Variants in SOX6 observed in about 807,000 individuals in gnomAD.
SOX6 encodes transcription factor SOX-6.
Under a neutral mutation model 97.8 loss-of-function variants are expected in SOX6, and 11 were observed. That is an observed-to-expected ratio of 0.11 (90% CI 0.07 to 0.19). SOX6 has a LOEUF of 0.19. Ranked by LOEUF, SOX6 falls within the 10% of genes least tolerant of loss-of-function variation. SOX6 has a pLI of 1.00. For missense variants in SOX6, 810 were observed against 1,039.5 expected, an observed-to-expected ratio of 0.78 and a Z score of 3.04; for synonymous variants, 360 against 371.4, an observed-to-expected ratio of 0.97 and a Z score of 0.35.
chr11:16,177,274 C>T (rs79777160), intron 6 of SOX6, among the ~76,000 whole-genome samples: 110 of 151,942 alleles, frequency 7.2e-4, no homozygotes, highest in African/African-American at 2.5e-3. Context: ...ATGACGTTTT[C>T]GAGTTTAACA....
At chr11:16,359,782 T>C (rs1272211603), upstream of SOX6, among the ~76,000 whole-genome samples, 1 of 152,180 alleles carries the variant, frequency 6.6e-6, no homozygotes, top group Non-Finnish European at 1.5e-5. Flanking sequence ...GAAGTTATAC[T>C]AATAAAAATA....
intron 3 of SOX6, among the ~76,000 whole-genome samples, chr11:16,257,523 G>GCTCTT (rs1853730131): frequency 6.6e-6 from 1 of 151,858 alleles, no homozygotes; most frequent in Admixed American, 6.6e-5. Context: ...GAGGAGTCTA[G>GCTCTT]ACATATATCT....
chr11:16,424,237 G>A (rs906178778), intron 1 of SOX6, among the ~76,000 whole-genome samples: 3 of 152,312 alleles, frequency 2.0e-5, no homozygotes, highest in South Asian at 2.1e-4. Flanking sequence ...TACCAAAGTC[G>A]AGGAAAACTA....
At chr11:16,638,740 T>G (rs1221943181) in intron 3 of SOX6, among the ~76,000 whole-genome samples, 1 of 152,240 alleles carries the variant, frequency 6.6e-6, no homozygotes, top group Non-Finnish European at 1.5e-5. Flanking sequence ...TCTGTTCATA[T>G]CTTTCACCCA....
chr11:16,126,089 C>A (rs1849605803), intron 6 of SOX6, among the ~76,000 whole-genome samples: 1 of 152,060 alleles, frequency 6.6e-6, no homozygotes, highest in Non-Finnish European at 1.5e-5. Context: ...TCACAATACC[C>A]ATGATATGTG....
At chr11:16,542,103 G>T (rs1459415024) in intron 4 of SOX6, among the ~76,000 whole-genome samples, 1 of 152,132 alleles carries the variant, frequency 6.6e-6, no homozygotes, top group Admixed American at 6.6e-5. Flanking sequence ...AGAAAATATG[G>T]CACATATACA....
chr11:16,129,336 G>T (rs1409751693), intron 6 of SOX6, among the ~76,000 whole-genome samples: 1 of 151,940 alleles, frequency 6.6e-6, no homozygotes, highest in Non-Finnish European at 1.5e-5. Context: ...TCTGATAATT[G>T]CCTCTCTTCC....
intron 6 of SOX6, among the ~76,000 whole-genome samples, chr11:16,164,192 C>T (rs1203924763): frequency 1.3e-5 from 2 of 152,092 alleles, no homozygotes; most frequent in African/African-American, 4.8e-5. Context: ...TGGTCTCAAA[C>T]TCCTGGGCTC....
chr11:16,710,754 G>C (rs1437068008), intron 3 of SOX6, among the ~76,000 whole-genome samples: 1 of 152,086 alleles, frequency 6.6e-6, no homozygotes, highest in Non-Finnish European at 1.5e-5. Flanking sequence ...ATAACTCCCA[G>C]ATATATCTAT....
intron 3 of SOX6, among the ~76,000 whole-genome samples, chr11:16,711,533 C>T (rs947217501): frequency 2.0e-5 from 3 of 152,120 alleles, no homozygotes; most frequent in African/African-American, 4.8e-5. Context: ...AAAAAGAAAA[C>T]CCTACAATGG....
chr11:16,323,064 A>G (rs1855973491), intron 2 of SOX6, among the ~76,000 whole-genome samples: 1 of 152,126 alleles, frequency 6.6e-6, no homozygotes, highest in South Asian at 2.1e-4. Flanking sequence ...TTCAACCCCT[A>G]ACTTCAGCAG....
intron 3 of SOX6, chr11:16,314,274 C>T (rs988876219): frequency 1.3e-5 from 2 of 152,164 alleles, no homozygotes; most frequent in African/African-American, 4.8e-5. Context: ...TCTGCCTATT[C>T]TTTCTGCCTG....
intron 4 of SOX6, among the ~76,000 whole-genome samples, chr11:16,521,476 T>C (rs894439704): frequency 1.3e-5 from 2 of 151,936 alleles, no homozygotes; most frequent in Non-Finnish European, 2.9e-5. Context: ...CAAAAACCCA[T>C]CTGTACATCA....
chr11:16,137,560 A>G (rs1850002741), intron 6 of SOX6, among the ~76,000 whole-genome samples: 1 of 152,236 alleles, frequency 6.6e-6, no homozygotes, highest in South Asian at 2.1e-4. Context: ...CTAGTATCTT[A>G]CTTTTGAGCC....
intron 1 of SOX6, among the ~76,000 whole-genome samples, chr11:16,341,912 G>C (rs1424786189): frequency 6.6e-6 from 1 of 152,008 alleles, no homozygotes; most frequent in Non-Finnish European, 1.5e-5. Flanking sequence ...GTGACATATT[G>C]ATTGAGTGGC....
chr11:16,328,585 C>G (rs1053795964), intron 2 of SOX6, among the ~76,000 whole-genome samples: 2 of 152,128 alleles, frequency 1.3e-5, no homozygotes, highest in Admixed American at 1.3e-4. Flanking sequence ...ATATATACAA[C>G]TATGTTTGAC....
intron 3 of SOX6, among the ~76,000 whole-genome samples, chr11:16,619,841 T>G (rs1014054873): frequency 1.2e-4 from 18 of 152,100 alleles, no homozygotes; most frequent in African/African-American, 4.3e-4. Flanking sequence ...TCACCACCCA[T>G]GGGCATTTAT....
chr11:16,519,656 T>C (rs1192448604), intron 4 of SOX6, among the ~76,000 whole-genome samples: 1 of 152,204 alleles, frequency 6.6e-6, no homozygotes, highest in African/African-American at 2.4e-5. Context: ...AGTGCTGCAG[T>C]AAACAGATGA....
intron 3 of SOX6, among the ~76,000 whole-genome samples, chr11:16,635,742 C>T (rs1848776710): frequency 6.6e-6 from 1 of 152,158 alleles, no homozygotes; most frequent in Admixed American, 6.5e-5. Flanking sequence ...CCAGGGCCCC[C>T]CTCTTGTGTG....
Sources: gnomAD v4.1 joint callset for allele counts (sites outside exome capture counted in the v4.1 genomes callset) on GRCh38, gnomAD v4.1.1 for gene constraint, MANE v1.5 for transcripts, NCBI Gene and HGNC (gene_info 2026-07-23, HGNC 2026-07-21) for gene names.